The following DYNC2H1 variants were observed in gnomAD, a reference collection of about 807,000 sequenced individuals.
The protein encoded by DYNC2H1 is cytoplasmic dynein 2 heavy chain 1.
Under a neutral mutation model 570.0 loss-of-function variants are expected in DYNC2H1, and 410 were observed. The observed-to-expected ratio is 0.72, with a 90% CI of 0.66 to 0.78. The LOEUF (loss-of-function observed/expected upper bound fraction) is 0.78. Among genes scored for constraint, DYNC2H1 ranks in the 30% least tolerant of loss-of-function variants. The pLI, the probability that DYNC2H1 is intolerant of heterozygous loss-of-function variation, is 0.00. For synonymous variants in DYNC2H1, 1,688 were observed against 1,677.6 expected, an observed-to-expected ratio of 1.01 and a Z score of -0.15; for missense variants, 4,865 against 5,046.4, an observed-to-expected ratio of 0.96 and a Z score of 1.09.
In DYNC2H1 at chr11:103,253,513, G is replaced by GT. The variant is rs1230525741; in HGVS notation, c.10206+66dup. 2.8e-6 allele frequency: 4 copies of GT among 1,422,238 alleles called. No homozygotes were observed. In the African/African-American group the frequency reaches 5.7e-5, roughly 20 times the overall value. The allele number at this position is 1,422,238 out of a possible 1,614,324, so 88.1% of individuals were successfully genotyped here. The stretch of plus-strand genomic sequence containing the variant: ...GAGCTTTATATACCTATTAGACATT[G>GT]TGAGTGAGAAGCTATTTTGTTAGAC... On this transcript the variant is annotated intron_variant, in intron 66 of 88. Transcript: ENST00000375735.
intron 70 of DYNC2H1, among the ~76,000 whole-genome samples, chr11:103,279,028 C>T (rs1866024683): frequency 6.6e-6 from 1 of 152,180 alleles, no homozygotes; most frequent in African/African-American, 2.4e-5. Flanking sequence ...ACATTCTTCC[C>T]ATAAATGGAA....
chr11:103,165,569 T>C (rs1861271310), intron 30 of DYNC2H1, among the ~76,000 whole-genome samples: 1 of 152,360 alleles, frequency 6.6e-6, no homozygotes, highest in Non-Finnish European at 1.5e-5. Flanking sequence ...TGTAGTTTAC[T>C]GGTTGAAAAG....
chr11:103,198,513 C>T (rs1862590849), intron 48 of DYNC2H1, among the ~76,000 whole-genome samples: 1 of 152,046 alleles, frequency 6.6e-6, no homozygotes. Flanking sequence ...GTAGTGCTAT[C>T]CTAGAGAGTT....
chr11:103,389,166 G>C (rs1305818181), intron 83 of DYNC2H1, among the ~76,000 whole-genome samples: 1 of 152,126 alleles, frequency 6.6e-6, no homozygotes, highest in African/African-American at 2.4e-5. Flanking sequence ...ATGAACTATT[G>C]CCTCAATTTC....
rs148217612 is a variant in DYNC2H1, at chr11:103,310,461, T to C, written c.11494-1417T>C. 1.8e-3 allele frequency among the ~76,000 whole-genome samples: 267 copies of C among 152,186 alleles called. 1 individual carries two copies. Among genetic ancestry groups the C allele is most frequent in the African/African-American group, 6.1e-3 (255 of 41,584 alleles). ...ATATGTGATTTTCTATGTAACTGTA[T>C]AGGATTTATTAATTTGTATGATCTT... On this transcript the variant is annotated intron_variant, in intron 78 of 88. Coordinates refer to ENST00000375735, the MANE Select transcript of DYNC2H1 (RefSeq NM_001377.3).
Position 103,209,934 on chromosome 11 carries a change from GA to G in DYNC2H1, c.8517del (p.Glu2840LysfsTer13). ...GGGEKYNDKK[R>X]KEEKKKNSVD... Reference sequence around the variant, plus strand: ...GGAGAAAAATACAATGATAAAAAACGAAAAGAAGAAAAGAAAAAAAATTCAG... The same window carrying G: ...GGAGAAAAATACAATGATAAAAAACGAAAGAAGAAAAGAAAAAAAATTCAG... On this transcript the variant is annotated frameshift_variant, in exon 53 of 89. Coordinates refer to ENST00000375735, the MANE Select transcript of DYNC2H1 (RefSeq NM_001377.3). LOFTEE classifies it high-confidence loss of function. This position sits in a 1 kb window ranked among gnomAD's most constrained non-coding sequence, Gnocchi z 4.2. 1 of 1,489,756 alleles carries G rather than the reference GA, an allele frequency of 6.7e-7. No individual in the cohort carries two copies. Among genetic ancestry groups the G allele is most frequent in the South Asian group, 1.3e-5 (1 of 75,420 alleles). The allele number at this position is 1,489,756 out of a possible 1,614,324, so 92.3% of individuals were successfully genotyped here.
rs1865279379 is a variant in DYNC2H1 at position 103,261,417 on chromosome 11, AG to A, written c.10695+1444del. On this transcript the variant is annotated intron_variant, in intron 70 of 88. Coordinates refer to ENST00000375735, the MANE Select transcript of DYNC2H1 (RefSeq NM_001377.3). This position sits in a 1 kb window ranked among gnomAD's most constrained non-coding sequence, Gnocchi z 4.8. ...TCCTGACTGGGAGACACCTCCCAGAAGGGGTCGACAGACATCTCATATAGGA... is the reference window on the plus strand; with the variant it reads ...TCCTGACTGGGAGACACCTCCCAGAAGGGTCGACAGACATCTCATATAGGA... 6.6e-6 allele frequency among the ~76,000 whole-genome samples: 1 copy of A among 152,322 alleles called. No individual in the cohort carries two copies. The highest frequency in any genetic ancestry group is 2.4e-5 in the African/African-American group (1 of 41,574).
At chr11:103,156,301 T>A (rs1201168346) in intron 25 of DYNC2H1, 87 bp from the exon 26 acceptor site, 3 of 1,305,828 alleles carry the variant, frequency 2.3e-6, no homozygotes, top group Admixed American at 3.0e-5. Flanking sequence ...CCAGATAAAA[T>A]ATATTTTTCA....
At chr11:103,166,906 T>C (rs1488541) in intron 31 of DYNC2H1, among the ~76,000 whole-genome samples, 105,306 of 150,644 alleles carry the variant, frequency 0.7, 37,230 homozygotes, top group Admixed American at 0.77. Context: ...TCTTCCTGTA[T>C]TATACTCTTT....
At position 103,455,289 on chromosome 11, in the gene DYNC2H1, C is replaced by G; in HGVS notation, c.12560C>G (p.Thr4187Ser). The change falls in exon 86 of 89, where the codon ACT becomes AGT. Residue 4187 changes from threonine to serine, a missense_variant. Around this residue, in one of 5 missense-constraint regions of DYNC2H1, gnomAD observed 2,401 missense variants for 2,454.6 expected, o/e 0.98. Transcript: ENST00000375735. Reference sequence around the variant, plus strand: ...TTTCTTAATGCTCTTCGCCAGGAAACTGCAAGGTAATTAAAATGAAATACT... The same window carrying G: ...TTTCTTAATGCTCTTCGCCAGGAAAGTGCAAGGTAATTAAAATGAAATACT... ...DTFLNALRQE[T>S]ARAVGRSVDS... 1 of 1,612,720 alleles carries G rather than the reference C, an allele frequency of 6.2e-7. No homozygotes were observed. The highest frequency in any genetic ancestry group is 8.5e-7 in the Non-Finnish European group (1 of 1,179,036).
Position 103,189,579 on chromosome 11 carries a change from C to T in DYNC2H1, c.7293-93C>T, listed in dbSNP as rs907430277. On this transcript the variant is annotated intron_variant, in intron 44 of 88. Coordinates refer to ENST00000375735, the MANE Select transcript of DYNC2H1 (RefSeq NM_001377.3). This position sits in a 1 kb window ranked among gnomAD's most constrained non-coding sequence, Gnocchi z 4.3. The stretch of plus-strand genomic sequence containing the variant: ...GAGATATGTAGGTCTTAGAGCAGCA[C>T]AGTTTCAAAACCACTGTTGTAACTT... The T allele has an allele frequency of 2.6e-5, 33 of 1,259,066 alleles. No individual in the cohort carries two copies. Among genetic ancestry groups the T allele is most frequent in the Middle Eastern group, 2.7e-4 (1 of 3,712 alleles). 78.0% of individuals were successfully genotyped at this position (1,259,066 alleles called of 1,614,324 possible). A position where few individuals can be genotyped will look rare whatever the true frequency, so the allele number is the denominator to read the frequency against.
chr11:103,458,635 C>A (rs1944881497), intron 87 of DYNC2H1, among the ~76,000 whole-genome samples: 1 of 150,750 alleles, frequency 6.6e-6, no homozygotes, highest in African/African-American at 2.5e-5. Context: ...TGATCTATTT[C>A]TTTCGTAGTA....
Position 103,186,183 on chromosome 11 carries a change from T to C in DYNC2H1, c.6634-59T>C. ...TTTTGGGATATTTACTTGGAAGAATTTTAAAATGTCACACACTCTGGAGTA... is the reference window on the plus strand; with the variant it reads ...TTTTGGGATATTTACTTGGAAGAATCTTAAAATGTCACACACTCTGGAGTA... On this transcript the variant is annotated intron_variant, in intron 41 of 88. Coordinates refer to ENST00000375735, the MANE Select transcript of DYNC2H1 (RefSeq NM_001377.3). This position sits in a 1 kb window ranked among gnomAD's most constrained non-coding sequence, Gnocchi z 4.5. The C allele has an allele frequency of 6.7e-7, 1 of 1,490,886 alleles. No individual in the cohort carries two copies. Among genetic ancestry groups the C allele is most frequent in the Admixed American group, 2.3e-5 (1 of 43,976 alleles). 92.4% of individuals were successfully genotyped at this position (1,490,886 alleles called of 1,614,324 possible).
At position 103,163,082 on chromosome 11, in the gene DYNC2H1, A is replaced by T. The variant is rs781207604; in HGVS notation, c.4546A>T (p.Lys1516Ter). The change falls in exon 30 of 89, where the codon AAG (lysine) becomes TAG (stop). Residue 1516 changes from lysine to a stop codon, truncating the protein, a stop_gained. Coordinates refer to ENST00000375735, the MANE Select transcript of DYNC2H1 (RefSeq NM_001377.3). LOFTEE classifies it high-confidence loss of function. The surrounding 1 kb of genome is among the most constrained non-coding windows in gnomAD (Gnocchi z 4.6). ...GAAGAAAACTTTGGAACAGTTGTTG[A>T]AGGAATGTGTTACTACTGGGCGAAG... ...EMKKTLEQLL[K>*]ECVTTGRSSQ... 1.2e-6 allele frequency: 2 copies of T among 1,613,238 alleles called. No homozygotes were observed.
At chr11:103,168,510 A>G (rs1861430183) in intron 31 of DYNC2H1, among the ~76,000 whole-genome samples, 1 of 152,208 alleles carries the variant, frequency 6.6e-6, no homozygotes, top group Admixed American at 6.5e-5. Context: ...TCCCTTGAAT[A>G]AGGAACTGAA....
chr11:103,412,188 A>T (rs1323712963), intron 84 of DYNC2H1, among the ~76,000 whole-genome samples: 1 of 152,124 alleles, frequency 6.6e-6, no homozygotes, highest in Admixed American at 6.6e-5. Context: ...GTGACAAGTT[A>T]TGTATGATGC....
Position 103,220,677 on chromosome 11 carries a change from T to C in DYNC2H1, c.9001T>C (p.Ser3001Pro). The C allele has an allele frequency of 6.2e-7, 1 of 1,612,608 alleles. No homozygotes were observed. ...TGGAAACATTAAGCCCGAATCACTT[T>C]CAGAAATTCGCTCACTACGCATGCC... ...AVGNIKPESL[S>P]EIRSLRMPPD... Residue 3001 changes from serine to proline, a missense_variant, in exon 57 of 89, where the codon TCA becomes CCA. Physicochemically the swap from Ser to Pro is moderately conservative, Grantham distance 74. Coordinates refer to ENST00000375735, the MANE Select transcript of DYNC2H1 (RefSeq NM_001377.3).
chr11:103,230,851 C>T (rs577377798), intron 59 of DYNC2H1, among the ~76,000 whole-genome samples: 1 of 152,270 alleles, frequency 6.6e-6, no homozygotes, highest in East Asian at 1.9e-4. Context: ...GCCTGAGAAA[C>T]AGAGTGAGAC....
chr11:103,436,087 T>G (rs1591754503), intron 85 of DYNC2H1, 55 bp downstream of exon 85: 2 of 1,486,892 alleles, frequency 1.3e-6, no homozygotes, highest in Non-Finnish European at 1.9e-6. Context: ...TATTGTATTA[T>G]AGAGATAACC....
Sources: gnomAD v4.1 joint callset for allele counts (sites outside exome capture counted in the v4.1 genomes callset) on GRCh38, gnomAD v4.1.1 for gene constraint, gnomAD v4.1.1 regional missense constraint, Gnocchi (gnomAD v3.1) non-coding constraint, MANE v1.5 for transcripts, NCBI Gene and HGNC (gene_info 2026-07-23, HGNC 2026-07-21) for gene names.